ZNF138: variants seen among roughly 807,000 people sequenced by gnomAD.
ZNF138 encodes the protein zinc finger protein 138, also known as zinc finger protein 138 (clone pHZ-32).
ZNF138 carries 33 observed loss-of-function variants against 33.0 expected under a neutral mutation model. The observed-to-expected ratio is 1.00, with a 90% CI of 0.76 to 1.34. The LOEUF (loss-of-function observed/expected upper bound fraction) is 1.34. ZNF138 is among the 40% of genes most tolerant of loss of function. ZNF138 has a pLI of 0.00. For missense variants in ZNF138, 360 were observed against 370.8 expected, an observed-to-expected ratio of 0.97 and a Z score of 0.24; for synonymous variants, 139 against 120.4, an observed-to-expected ratio of 1.15 and a Z score of -1.01.
chr7:64,813,658 T>C (rs1441639444), intron 1 of ZNF138, among the ~76,000 whole-genome samples: 1 of 152,050 alleles, frequency 6.6e-6, no homozygotes, highest in Non-Finnish European at 1.5e-5. Flanking sequence ...ATGGTGTCGA[T>C]CTCCTGACCT....
In ZNF138 at chr7:64,832,038, C is replaced by T; in HGVS notation, c.796C>T (p.Leu266Phe). Reference sequence around the variant, plus strand: ...CAAAGCCTTTAAACAGTCCTCACACCTTACTAGACATAAGATAATTCATAC... The same window carrying T: ...CAAAGCCTTTAAACAGTCCTCACACTTTACTAGACATAAGATAATTCATAC... ...CGKAFKQSSH[L>F]TRHKIIHTEE... Residue 266 changes from leucine to phenylalanine, a missense_variant, in exon 4 of 4, where the codon CTT (leucine) becomes TTT (phenylalanine). Leu to Phe is a conservative substitution (Grantham distance 22, BLOSUM62 0). Coordinates refer to ENST00000307355, the MANE Select transcript of ZNF138 (RefSeq NM_001271639.2). The T allele has an allele frequency of 1.2e-6, 2 of 1,613,854 alleles. No individual in the cohort carries two copies. Among genetic ancestry groups the T allele is most frequent in the Non-Finnish European group, 1.7e-6 (2 of 1,179,886 alleles).
At chr7:64,816,595 T>C (rs1788656780) in intron 3 of ZNF138, among the ~76,000 whole-genome samples, 2 of 152,218 alleles carry the variant, frequency 1.3e-5, no homozygotes, top group African/African-American at 2.4e-5. Context: ...AATGTACTTT[T>C]TGTTTTTTAA....
intron 1 of ZNF138, among the ~76,000 whole-genome samples, chr7:64,794,878 G>A (rs1370268103): frequency 6.6e-6 from 1 of 152,164 alleles, no homozygotes. Context: ...GGAGAATCCT[G>A]ACTCGGGGTG....
At chr7:64,840,284 G>A in the ZNF138 span, among the ~76,000 whole-genome samples, 2 of 152,100 alleles carry the variant, frequency 1.3e-5, no homozygotes, top group African/African-American at 4.8e-5. Flanking sequence ...TTACTCAAGG[G>A]TGTAGGTCAA....
At chr7:64,847,985 G>A in the ZNF138 span, among the ~76,000 whole-genome samples, 2,118 of 152,004 alleles carry the variant, frequency 0.014, 47 homozygotes, top group African/African-American at 0.045. Flanking sequence ...CTGTTTTGAC[G>A]TGTTTCAAAG....
the ZNF138 span, among the ~76,000 whole-genome samples, chr7:64,840,937 A>G: frequency 6.6e-6 from 1 of 152,166 alleles, no homozygotes; most frequent in Non-Finnish European, 1.5e-5. Flanking sequence ...AAATATTTTA[A>G]TAAGGTGACT....
At chr7:64,815,092 ATTTTT>A in intron 2 of ZNF138, 48 bp downstream of exon 2, 5 of 1,221,970 alleles carry the variant, frequency 4.1e-6, no homozygotes, top group East Asian at 3.1e-5. Context: ...TAAAGGTTTC[ATTTTT>A]TTTTTTTTTT....
intron 3 of ZNF138, among the ~76,000 whole-genome samples, chr7:64,830,546 C>T (rs991352766): frequency 1.3e-5 from 2 of 152,068 alleles, no homozygotes; most frequent in African/African-American, 4.8e-5. Flanking sequence ...TGGTCTTGAA[C>T]TCCTGACATC....
chr7:64,804,670 AC>A (rs765038386), intron 1 of ZNF138, among the ~76,000 whole-genome samples: 60 of 152,162 alleles, frequency 3.9e-4, no homozygotes, highest in Non-Finnish European at 6.5e-4. Flanking sequence ...AATCCCAGCT[AC>A]TCCAGAGGCT....
At chr7:64,830,660 T>C (rs1359836384) in intron 3 of ZNF138, among the ~76,000 whole-genome samples, 1 of 152,112 alleles carries the variant, frequency 6.6e-6, no homozygotes, top group East Asian at 1.9e-4. Flanking sequence ...TCTGAAAATT[T>C]TATAATAATT....
chr7:64,819,251 T>C (rs1293006808), intron 3 of ZNF138, among the ~76,000 whole-genome samples: 6 of 152,208 alleles, frequency 3.9e-5, no homozygotes, highest in Non-Finnish European at 7.3e-5. Flanking sequence ...ATGGTCGTTT[T>C]ATTTTGTGTA....
At chr7:64,794,667 C>G in intron 1 of ZNF138, 96 bp downstream of exon 1, 1 of 1,576,356 alleles carries the variant, frequency 6.3e-7, no homozygotes, top group Non-Finnish European at 8.7e-7. Context: ...TTCCCGCAGT[C>G]GGCTGCAAAA....
intron 2 of ZNF138, 75 bp downstream of exon 2, chr7:64,815,119 CTT>C (rs1261624702): frequency 2.2e-6 from 3 of 1,349,772 alleles, no homozygotes; most frequent in Admixed American, 5.5e-5. Flanking sequence ...GGTAGAATGT[CTT>C]TTGGTAATTT....
intron 3 of ZNF138, among the ~76,000 whole-genome samples, chr7:64,826,654 A>G (rs1484343110): frequency 6.7e-6 from 1 of 149,610 alleles, no homozygotes; most frequent in African/African-American, 2.5e-5. Flanking sequence ...TTTTTTTTAG[A>G]CAGAGTTTCA....
intron 1 of ZNF138, among the ~76,000 whole-genome samples, chr7:64,809,819 G>A (rs1267742411): frequency 3.6e-4 from 46 of 129,424 alleles, no homozygotes; most frequent in Admixed American, 3.0e-3. Flanking sequence ...CATCCCAGAC[G>A]GGGCGGCGGG....
intron 1 of ZNF138, among the ~76,000 whole-genome samples, chr7:64,812,571 G>C (rs1388958617): frequency 6.6e-6 from 1 of 152,048 alleles, no homozygotes; most frequent in African/African-American, 2.4e-5. Context: ...AGTAGAAATT[G>C]CAGAGAAGAG....
At position 64,809,819 on chromosome 7, in the gene ZNF138, G is replaced by T. The variant is rs1267742411; in HGVS notation, c.4-5099G>T. On this transcript the variant is annotated intron_variant, in intron 1 of 3. Coordinates refer to ENST00000307355, the MANE Select transcript of ZNF138 (RefSeq NM_001271639.2). ...CAGAGGTGCTCCTCACATCCCAGAC[G>T]GGGCGGCGGGGCAGAGGCGCTCCCC... Among the ~76,000 whole-genome samples, 194 of 129,410 alleles carry T rather than the reference G, an allele frequency of 1.5e-3. 1 individual carries two copies. The highest frequency in any genetic ancestry group is 4.9e-3 in the African/African-American group (166 of 33,808). The allele number at this position is 129,410 out of a possible 152,430, so 84.9% of individuals were successfully genotyped here.
chr7:64,805,686 G>T lies in ZNF138; in HGVS notation c.4-9232G>T, dbSNP rs546963409. Among the ~76,000 whole-genome samples the T allele has an allele frequency of 3.3e-5, 5 of 152,320 alleles. No homozygotes were observed. In the South Asian group the frequency reaches 8.3e-4, roughly 25 times the overall value. ...AGGAGTGCTGTAGCCCAGTGCTCAG[G>T]GCGTAGCATAGCCATAAAGTAAATA... is the stretch of plus-strand genomic sequence containing the variant. On this transcript the variant is annotated intron_variant, in intron 1 of 3. Transcript: ENST00000307355.
At chr7:64,835,562 CTTTTT>C (rs150801384), downstream of ZNF138, 1 of 148,850 alleles carries the variant, frequency 6.7e-6, no homozygotes, top group African/African-American at 2.5e-5. Context: ...CCTCTTGGAT[CTTTTT>C]TTTTTAAAGT....
Sources: allele counts gnomAD v4.1 joint callset (sites outside exome capture counted in the v4.1 genomes callset), GRCh38; gene constraint gnomAD v4.1.1; transcripts MANE v1.5; gene names NCBI Gene and HGNC (gene_info 2026-07-23, HGNC 2026-07-21).